KLKB1: variants seen among roughly 807,000 people sequenced by gnomAD.
KLKB1 encodes plasma kallikrein.
Under a neutral mutation model 73.6 loss-of-function variants are expected in KLKB1, and 58 were observed. The observed-to-expected ratio is 0.79, with a 90% CI of 0.64 to 0.98. The LOEUF (loss-of-function observed/expected upper bound fraction) is 0.98. KLKB1 is among the 50% of genes least tolerant of loss of function. KLKB1 has a pLI of 0.00. For synonymous variants in KLKB1, 280 were observed against 258.1 expected (o/e 1.08, Z -0.81); for missense variants, 737 against 763.8 (o/e 0.96, Z 0.41).
chr4:186,218,100 A>G (rs1309377909), intron 2 of KLKB1, among the ~76,000 whole-genome samples: 1 of 152,216 alleles, frequency 6.6e-6, no homozygotes, highest in East Asian at 1.9e-4. Context: ...ATAAAACTTT[A>G]TTTACAAAAA....
chr4:186,224,988 T>G (rs1242912882), upstream of KLKB1, among the ~76,000 whole-genome samples: 3 of 152,152 alleles, frequency 2.0e-5, no homozygotes, highest in Non-Finnish European at 4.4e-5. Context: ...AAGTGACAGT[T>G]TCCCCTGCAC....
intron 2 of KLKB1, among the ~76,000 whole-genome samples, chr4:186,231,824 T>A (rs751945892): frequency 1.3e-5 from 2 of 152,230 alleles, no homozygotes; most frequent in Non-Finnish European, 2.9e-5. Flanking sequence ...TTTCATAGCA[T>A]GTCAGGCAAC....
In KLKB1 at chr4:186,251,481, A is replaced by C; in HGVS notation, c.869-6A>C. ...TGATATCTTTTTGTGTTTATAATTG[A>C]CACAGAACCCTGCCATTCTAAAATT... On this transcript the variant is annotated splice_region_variant and splice_polypyrimidine_tract_variant and intron_variant, in intron 8 of 14. Transcript: ENST00000264690. The C allele has an allele frequency of 6.2e-7, 1 of 1,613,192 alleles. No individual in the cohort carries two copies.
In KLKB1 at chr4:186,258,304, G is replaced by T. The variant is rs901934048; in HGVS notation, c.*92G>T. On this transcript the variant is annotated 3_prime_UTR_variant, in exon 15 of 15. Coordinates refer to ENST00000264690, the MANE Select transcript of KLKB1 (RefSeq NM_000892.5). ...CCTCATCTGCAAAGCATGGAGAGTGGCATCTTCTTTGCATCCTAAGGACGA... is the reference window on the plus strand; with the variant it reads ...CCTCATCTGCAAAGCATGGAGAGTGTCATCTTCTTTGCATCCTAAGGACGA... 6.1e-5 allele frequency: 67 copies of T among 1,089,484 alleles called. No individual in the cohort carries two copies. The highest frequency in any genetic ancestry group is 3.0e-4 in the Admixed American group (15 of 50,666). The allele number at this position is 1,089,484 out of a possible 1,614,324, so 67.5% of individuals were successfully genotyped here. A position where few individuals can be genotyped will look rare whatever the true frequency, so the allele number is the denominator to read the frequency against.
intron 11 of KLKB1, among the ~76,000 whole-genome samples, chr4:186,253,421 C>T (rs1462938519): frequency 1.3e-5 from 2 of 152,120 alleles, no homozygotes; most frequent in Non-Finnish European, 2.9e-5. Flanking sequence ...GGGGCTCTGC[C>T]ATACATGACC....
intron 2 of KLKB1, 108 bp downstream of exon 2, chr4:186,228,361 G>C: frequency 1.4e-6 from 1 of 722,648 alleles, no homozygotes; most frequent in Non-Finnish European, 2.5e-6. Context: ...CGGGGGTGGA[G>C]ATTGTCCCTG....
At chr4:186,245,812 GT>G (rs796424735) in intron 6 of KLKB1, among the ~76,000 whole-genome samples, 3 of 88,682 alleles carry the variant, frequency 3.4e-5, no homozygotes, top group African/African-American at 4.6e-5. Context: ...GTTTTTTTTT[GT>G]TTGTTTTTTG....
At position 186,257,361 on chromosome 4, in the gene KLKB1, G is replaced by T; in HGVS notation, c.1721G>T (p.Cys574Phe). Reference sequence around the variant, plus strand: ...TATAAAGAAGGGGGAAAAGATGCTTGTAAGGTAACTCATGAGATTATGAAA... The same window carrying T: ...TATAAAGAAGGGGGAAAAGATGCTTTTAAGGTAACTCATGAGATTATGAAA... Reference protein sequence around the residue: ...AGYKEGGKDACKGDSGGPLVC... With the variant: ...AGYKEGGKDAFKGDSGGPLVC... Residue 574 changes from cysteine (C) to phenylalanine (F), a missense_variant, in exon 14 of 15, where the codon TGT becomes TTT. Transcript: ENST00000264690. 1.3e-6 allele frequency: 2 copies of T among 1,581,966 alleles called. No homozygotes were observed. The highest frequency in any genetic ancestry group is 2.7e-5 in the African/African-American group (2 of 74,278).
intron 2 of KLKB1, chr4:186,211,531 C>A (rs1028106294): frequency 2.6e-5 from 4 of 152,082 alleles, no homozygotes; most frequent in African/African-American, 9.7e-5. Flanking sequence ...CCAGGATGGT[C>A]TTGATCTCTT....
chr4:186,253,697 T>G (rs958091514), intron 11 of KLKB1, among the ~76,000 whole-genome samples: 12 of 152,176 alleles, frequency 7.9e-5, no homozygotes, highest in African/African-American at 2.9e-4. Context: ...ATGATAAAGA[T>G]TTCCAGATCT....
At chr4:186,250,628 A>G (rs1005804152) in intron 7 of KLKB1, among the ~76,000 whole-genome samples, 2 of 152,246 alleles carry the variant, frequency 1.3e-5, no homozygotes, top group African/African-American at 4.8e-5. Context: ...AAATGTTACC[A>G]TTGAATCAAG....
At chr4:186,239,529 C>G (rs867163727) in intron 6 of KLKB1, among the ~76,000 whole-genome samples, 1 of 125,854 alleles carries the variant, frequency 7.9e-6, no homozygotes, top group East Asian at 2.3e-4. Context: ...GACAGTGATA[C>G]TGTTATAGGA....
At chr4:186,219,758 C>T (rs915763021) in intron 2 of KLKB1, among the ~76,000 whole-genome samples, 12 of 152,108 alleles carry the variant, frequency 7.9e-5, no homozygotes, top group African/African-American at 2.7e-4. Flanking sequence ...AACATTCATT[C>T]CTAAGGGGTC....
intron 6 of KLKB1, among the ~76,000 whole-genome samples, chr4:186,248,869 G>A (rs1738524074): frequency 6.6e-6 from 1 of 152,126 alleles, no homozygotes; most frequent in Non-Finnish European, 1.5e-5. Flanking sequence ...GCCTTTCTAG[G>A]CAGTGTGAAG....
chr4:186,236,100 C>G (rs1305262566), intron 4 of KLKB1, among the ~76,000 whole-genome samples: 2 of 92,760 alleles, frequency 2.2e-5, no homozygotes, highest in Admixed American at 1.3e-4. Flanking sequence ...GGCGACAGAG[C>G]GAGACTCCGT....
upstream of KLKB1, among the ~76,000 whole-genome samples, chr4:186,223,959 G>C (rs755674558): frequency 2.2e-4 from 34 of 152,340 alleles, no homozygotes; most frequent in Non-Finnish European, 4.9e-4. Flanking sequence ...CTGCTGCTCT[G>C]TGCAGCCTTG....
At chr4:186,257,737 AAG>A (rs1739079259) in intron 14 of KLKB1, among the ~76,000 whole-genome samples, 1 of 131,750 alleles carries the variant, frequency 7.6e-6, no homozygotes, top group Admixed American at 8.2e-5. Flanking sequence ...AACTTTAAGA[AAG>A]AGTGAGTGTG....
intron 6 of KLKB1, among the ~76,000 whole-genome samples, chr4:186,245,979 AAG>A (rs1251415489): frequency 2.6e-5 from 4 of 151,880 alleles, no homozygotes; most frequent in Admixed American, 2.6e-4. Context: ...TTTGATGAAA[AAG>A]AGCCTAAACG....
intron 2 of KLKB1, among the ~76,000 whole-genome samples, chr4:186,215,405 CTTG>C (rs1270220398): frequency 8.9e-4 from 6 of 6,742 alleles, no homozygotes; most frequent in Non-Finnish European, 6.3e-3. Context: ...TCTTTCTTTC[CTTG>C]CTTTCTCTCT....
Sources: gnomAD v4.1 joint callset for allele counts (sites outside exome capture counted in the v4.1 genomes callset) on GRCh38, gnomAD v4.1.1 for gene constraint, MANE v1.5 for transcripts, NCBI Gene and HGNC (gene_info 2026-07-23, HGNC 2026-07-21) for gene names.